Variants in PCMTD1 observed in about 807,000 individuals in gnomAD.
PCMTD1 encodes protein-L-isoaspartate (D-aspartate) O-methyltransferase domain containing 1.
In PCMTD1, 12 loss-of-function variants were observed where a neutral mutation model predicts 37.6. The observed-to-expected ratio is 0.32, with a 90% CI of 0.20 to 0.52. The LOEUF (loss-of-function observed/expected upper bound fraction) is 0.52, where lower values mean the gene tolerates loss of function less well. Among genes scored for constraint, PCMTD1 ranks in the 20% least tolerant of loss-of-function variants. PCMTD1 has a pLI of 0.97. For synonymous variants in PCMTD1, 117 were observed against 135.8 expected (o/e 0.86, Z 0.96); for missense variants, 235 against 421.3 (o/e 0.56, Z 3.87).
At chr8:51,863,550 AAGTG>A (rs2038505517) in intron 1 of PCMTD1, among the ~76,000 whole-genome samples, 1 of 152,240 alleles carries the variant, frequency 6.6e-6, no homozygotes, top group Admixed American at 6.5e-5. Context: ...TGGGAAGTCA[AAGTG>A]GGTGGGTGGA....
chr8:51,892,624 T>C (rs1209514111), intron 1 of PCMTD1, among the ~76,000 whole-genome samples: 1 of 152,232 alleles, frequency 6.6e-6, no homozygotes, highest in East Asian at 1.9e-4. Flanking sequence ...AAATGCTCAT[T>C]AGTAGGGAAT....
At chr8:51,872,883 T>C (rs565819601) in intron 1 of PCMTD1, among the ~76,000 whole-genome samples, 1 of 152,340 alleles carries the variant, frequency 6.6e-6, no homozygotes, top group Admixed American at 6.5e-5. Context: ...TTTTAAGTCA[T>C]TATCTTTTCT....
At chr8:51,836,227 A>G (rs2038064169) in intron 3 of PCMTD1, among the ~76,000 whole-genome samples, 1 of 152,222 alleles carries the variant, frequency 6.6e-6, no homozygotes, top group Admixed American at 6.5e-5. Context: ...CACTATCAAG[A>G]TGAAAGCCAC....
intron 1 of PCMTD1, among the ~76,000 whole-genome samples, chr8:51,882,018 A>G (rs1387458619): frequency 1.3e-5 from 2 of 152,048 alleles, no homozygotes; most frequent in African/African-American, 2.4e-5. Context: ...CCTCTTAGAA[A>G]TCTCTAAGTC....
At chr8:51,862,357 T>C (rs12171674) in intron 1 of PCMTD1, among the ~76,000 whole-genome samples, 104,016 of 151,624 alleles carry the variant, frequency 0.69, 42,083 homozygotes, top group Non-Finnish European at 0.9. Context: ...TTTATACACA[T>C]ACACACACAC....
intron 1 of PCMTD1, among the ~76,000 whole-genome samples, chr8:51,877,386 G>C (rs2038727816): frequency 6.6e-6 from 1 of 152,212 alleles, no homozygotes; most frequent in South Asian, 2.1e-4. Flanking sequence ...GCAGGATGCT[G>C]AGAAAGGTAA....
At chr8:51,877,095 CG>C (rs2038723441) in intron 1 of PCMTD1, among the ~76,000 whole-genome samples, 1 of 151,932 alleles carries the variant, frequency 6.6e-6, no homozygotes, top group Non-Finnish European at 1.5e-5. Context: ...TTCTTGGTGC[CG>C]TTAAGAACTA....
At chr8:51,845,275 T>C (rs1563343414) in intron 3 of PCMTD1, 1 of 168,288 alleles carries the variant, frequency 5.9e-6, no homozygotes, top group South Asian at 1.5e-4. Flanking sequence ...GTCCTTTGTA[T>C]ACTGACTGGT....
chr8:51,876,019 A>G (rs554993400), intron 1 of PCMTD1, among the ~76,000 whole-genome samples: 1 of 152,248 alleles, frequency 6.6e-6, no homozygotes, highest in Admixed American at 6.5e-5. Context: ...CTATTATATC[A>G]TTACTGATGT....
intron 1 of PCMTD1, among the ~76,000 whole-genome samples, chr8:51,882,141 A>G (rs1332912556): frequency 1.3e-5 from 2 of 152,206 alleles, no homozygotes; most frequent in Admixed American, 1.3e-4. Context: ...GTCCAAGATC[A>G]AAGTGCCAAC....
At chr8:51,865,468 A>T (rs1008012412) in intron 1 of PCMTD1, among the ~76,000 whole-genome samples, 19 of 152,140 alleles carry the variant, frequency 1.2e-4, no homozygotes, top group African/African-American at 4.3e-4. Flanking sequence ...CATTGAAAGG[A>T]TCACTCACCA....
intron 2 of PCMTD1, among the ~76,000 whole-genome samples, chr8:51,853,059 G>T (rs545274529): frequency 6.6e-6 from 1 of 152,210 alleles, no homozygotes; most frequent in African/African-American, 2.4e-5. Context: ...TGAATCCTTT[G>T]CATGTGGATG....
intron 2 of PCMTD1, among the ~76,000 whole-genome samples, chr8:51,858,706 C>G (rs1045909090): frequency 6.6e-6 from 1 of 152,102 alleles, no homozygotes; most frequent in African/African-American, 2.4e-5. Flanking sequence ...AGGAATATTC[C>G]TAATCAAAAC....
At chr8:51,869,479 T>C (rs934401066) in intron 1 of PCMTD1, among the ~76,000 whole-genome samples, 3 of 152,172 alleles carry the variant, frequency 2.0e-5, no homozygotes, top group African/African-American at 7.2e-5. Flanking sequence ...TTCCATGCTA[T>C]TTCAGCATTG....
At chr8:51,872,744 T>C (rs1271960102) in intron 1 of PCMTD1, among the ~76,000 whole-genome samples, 2 of 152,232 alleles carry the variant, frequency 1.3e-5, no homozygotes, top group African/African-American at 4.8e-5. Flanking sequence ...TACTCATCGC[T>C]TCAGATGATC....
At chr8:51,846,634 T>TAAAC (rs2038224167) in intron 2 of PCMTD1, among the ~76,000 whole-genome samples, 1 of 151,344 alleles carries the variant, frequency 6.6e-6, no homozygotes, top group African/African-American at 2.4e-5. Flanking sequence ...GTGTCTTATT[T>TAAAC]TCAGTATCTT....
intron 2 of PCMTD1, among the ~76,000 whole-genome samples, chr8:51,860,048 T>C (rs2038449282): frequency 1.3e-5 from 2 of 152,248 alleles, no homozygotes. Flanking sequence ...TAATGTCTTA[T>C]AGCAGATTTT....
chr8:51,858,372 C>G (rs1010388777), intron 2 of PCMTD1, among the ~76,000 whole-genome samples: 2 of 152,148 alleles, frequency 1.3e-5, no homozygotes, highest in Non-Finnish European at 2.9e-5. Flanking sequence ...AATGGCTGAG[C>G]CATAGTGTTA....
intron 1 of PCMTD1, among the ~76,000 whole-genome samples, chr8:51,886,766 A>C (rs891949014): frequency 6.6e-6 from 1 of 152,226 alleles, no homozygotes; most frequent in African/African-American, 2.4e-5. Flanking sequence ...TCACTGTCAT[A>C]GCAAATTAGC....
Sources: allele counts gnomAD v4.1 joint callset (sites outside exome capture counted in the v4.1 genomes callset), GRCh38; gene constraint gnomAD v4.1.1; transcripts MANE v1.5; gene names NCBI Gene and HGNC (gene_info 2026-07-23, HGNC 2026-07-21).